Variants in NBAS observed in about 807,000 individuals in gnomAD.
The protein encoded by NBAS is NAG/BC035112 fusion.
In NBAS, 219 loss-of-function variants were observed where a neutral mutation model predicts 302.5. The ratio of observed to expected loss-of-function variants is 0.72; its 90% CI spans 0.65 to 0.81. The LOEUF is 0.81. NBAS is among the 30% of genes least tolerant of loss of function. The pLI is 0.00. For missense variants in NBAS, 2,932 were observed against 2,841.6 expected, an observed-to-expected ratio of 1.03 and a Z score of -0.72; for synonymous variants, 1,118 against 1,021.6, an observed-to-expected ratio of 1.09 and a Z score of -1.80.
At chr2:14,799,194 A>G in the NBAS span, among the ~76,000 whole-genome samples, 2 of 152,050 alleles carry the variant, frequency 1.3e-5, no homozygotes, top group African/African-American at 4.8e-5. Flanking sequence ...TTACTGTCAT[A>G]AATTTACCTC....
intron 8 of NBAS, 143 bp downstream of exon 8, chr2:15,536,275 C>A: frequency 1.1e-6 from 1 of 915,156 alleles, no homozygotes; most frequent in Non-Finnish European, 1.6e-6. Flanking sequence ...GGGTGTTCAC[C>A]ACACCACTCT....
the NBAS span, among the ~76,000 whole-genome samples, chr2:15,140,335 T>G: frequency 2.0e-5 from 3 of 152,172 alleles, no homozygotes; most frequent in African/African-American, 7.2e-5. Context: ...CTTTCCAAAT[T>G]CCTGACCCAC....
At chr2:15,186,360 G>C (rs1665087339) in intron 50 of NBAS, among the ~76,000 whole-genome samples, 1 of 152,086 alleles carries the variant, frequency 6.6e-6, no homozygotes, top group South Asian at 2.1e-4. Context: ...AAAATTCAAA[G>C]TGGTTGGTTA....
intron 47 of NBAS, among the ~76,000 whole-genome samples, chr2:15,220,156 G>T (rs1430580893): frequency 7.1e-6 from 1 of 141,404 alleles, no homozygotes. Context: ...CCTCCCGGAC[G>T]GGGCGGCTGG....
the NBAS span, among the ~76,000 whole-genome samples, chr2:15,075,882 A>C: frequency 6.6e-6 from 1 of 152,220 alleles, no homozygotes; most frequent in Non-Finnish European, 1.5e-5. Flanking sequence ...ATTGGAAACA[A>C]TGAATGTTTT....
rs533984674 is a variant in NBAS at position 15,529,465 on chromosome 2, G to A, written c.746+5078C>T. Among the ~76,000 whole-genome samples the A allele has an allele frequency of 1.6e-4, 24 of 152,150 alleles. No individual in the cohort carries two copies. In the South Asian group the frequency reaches 2.1e-3, roughly 13 times the overall value. Reference sequence around the variant, plus strand: ...CCAAAATCACGCACTGGACTCCAGCGCGGGTGACAGAGTGAGACCCTCTCT... The same window carrying A: ...CCAAAATCACGCACTGGACTCCAGCACGGGTGACAGAGTGAGACCCTCTCT... On this transcript the variant is annotated intron_variant, in intron 9 of 51. Transcript: ENST00000281513.
chr2:14,991,676 C>G, the NBAS span, among the ~76,000 whole-genome samples: 1 of 152,162 alleles, frequency 6.6e-6, no homozygotes, highest in Non-Finnish European at 1.5e-5. Flanking sequence ...CAATGTTCAG[C>G]CAAGTTATCC....
chr2:15,420,103 T>C (rs890752758), intron 23 of NBAS, among the ~76,000 whole-genome samples: 1 of 152,126 alleles, frequency 6.6e-6, no homozygotes, highest in Non-Finnish European at 1.5e-5. Flanking sequence ...GACTCTCTTC[T>C]AGTAATAACA....
chr2:15,078,696 C>T, the NBAS span, among the ~76,000 whole-genome samples: 3 of 152,168 alleles, frequency 2.0e-5, no homozygotes, highest in African/African-American at 7.2e-5. Flanking sequence ...TAGTGAAACA[C>T]TTCCACATAA....
the NBAS span, among the ~76,000 whole-genome samples, chr2:15,079,186 C>T: frequency 6.6e-6 from 1 of 152,054 alleles, no homozygotes; most frequent in Non-Finnish European, 1.5e-5. Flanking sequence ...AAGGCTTTAA[C>T]TCTGACCAAG....
At chr2:15,002,904 G>A in the NBAS span, among the ~76,000 whole-genome samples, 3 of 152,216 alleles carry the variant, frequency 2.0e-5, no homozygotes, top group Non-Finnish European at 2.9e-5. Flanking sequence ...CCCTGTTCCC[G>A]CTGGCGCCTC....
chr2:14,796,919 CAAAAAAA>C, the NBAS span, among the ~76,000 whole-genome samples: 6 of 86,506 alleles, frequency 6.9e-5, no homozygotes, highest in East Asian at 3.4e-4. Flanking sequence ...CTAAAAAATA[CAAAAAAA>C]AAAAAAAAAA....
intron 21 of NBAS, among the ~76,000 whole-genome samples, chr2:15,431,389 C>G (rs1322411194): frequency 6.6e-6 from 1 of 152,104 alleles, no homozygotes; most frequent in Non-Finnish European, 1.5e-5. Flanking sequence ...AATAAAATCA[C>G]CGTAAGTTCT....
At chr2:15,000,622 G>A in the NBAS span, among the ~76,000 whole-genome samples, 1 of 152,222 alleles carries the variant, frequency 6.6e-6, no homozygotes, top group Non-Finnish European at 1.5e-5. Context: ...TAATATGACT[G>A]TAATGAATGC....
intron 21 of NBAS, among the ~76,000 whole-genome samples, chr2:15,448,664 A>G (rs1486050317): frequency 6.6e-6 from 1 of 152,210 alleles, no homozygotes; most frequent in Non-Finnish European, 1.5e-5. Context: ...AACTTTTAGG[A>G]TTAAATGAAA....
rs746504972 is a variant in NBAS at position 15,473,363 on chromosome 2, C to G, written c.1600-16G>C. On this transcript the variant is annotated splice_polypyrimidine_tract_variant and intron_variant, in intron 15 of 51. Transcript: ENST00000281513. ...CACTTTCAATCTTCAGATAAAAACA[C>G]GAGGACAGGAATGTTACATGACTGA... The G allele has an allele frequency of 1.2e-6, 2 of 1,612,910 alleles. No homozygotes were observed. The highest frequency in any genetic ancestry group is 1.7e-6 in the Non-Finnish European group (2 of 1,179,308).
At chr2:14,803,134 G>C in the NBAS span, among the ~76,000 whole-genome samples, 1 of 152,122 alleles carries the variant, frequency 6.6e-6, no homozygotes, top group African/African-American at 2.4e-5. Context: ...ATTTAGTCTA[G>C]GAGTAAATTA....
In NBAS at chr2:15,297,695, A is replaced by T. The variant is rs573288289; in HGVS notation, c.4798-4929T>A. On this transcript the variant is annotated intron_variant, in intron 40 of 51. Coordinates refer to ENST00000281513, the MANE Select transcript of NBAS (RefSeq NM_015909.4). ...TTTTCTTCATAAATTACCCAGTCTC[A>T]GTTAGTTCTTTATAGCAGTGTGCGA... 7.9e-5 allele frequency among the ~76,000 whole-genome samples: 12 copies of T among 152,328 alleles called. No homozygotes were observed. In the South Asian group the frequency reaches 1.5e-3, roughly 18 times the overall value.
In NBAS at chr2:15,397,611, C is replaced by T. The variant is rs542438726; in HGVS notation, c.3072-1136G>A. 5.4e-5 allele frequency: 32 copies of T among 595,506 alleles called. No homozygotes were observed. The East Asian group carries it at 1.2e-3, about 22-fold the overall frequency. The allele number at this position is 595,506 out of a possible 1,614,324, so 36.9% of individuals were successfully genotyped here. On this transcript the variant is annotated intron_variant, in intron 26 of 51. Transcript: ENST00000281513. ...TTGGGAAGCACATAGGTTTCAAAGA[C>T]GCTCGCTTCAGAAATGTTCCTGACT...
Sources: gnomAD v4.1 joint callset for allele counts (sites outside exome capture counted in the v4.1 genomes callset) on GRCh38, gnomAD v4.1.1 for gene constraint, MANE v1.5 for transcripts, NCBI Gene and HGNC (gene_info 2026-07-23, HGNC 2026-07-21) for gene names.